Variants in CDC42BPA observed in about 807,000 individuals in gnomAD.
CDC42BPA encodes the protein CDC42 binding protein kinase alpha, also known as serine/threonine-protein kinase MRCK alpha.
Under a neutral mutation model 223.5 loss-of-function variants are expected in CDC42BPA, and 80 were observed. The observed-to-expected ratio is 0.36, with a 90% CI of 0.30 to 0.43. The LOEUF is 0.43. CDC42BPA is among the 20% of genes least tolerant of loss of function. CDC42BPA has a pLI of 1.00. For missense variants in CDC42BPA, 1,743 were observed against 2,099.9 expected (o/e 0.83, Z 3.32); for synonymous variants, 694 against 718.6 (o/e 0.97, Z 0.55).
chr1:227,010,096 A>G (rs1664877123), intron 34 of CDC42BPA, among the ~76,000 whole-genome samples: 1 of 152,182 alleles, frequency 6.6e-6, no homozygotes, highest in African/African-American at 2.4e-5. Context: ...GTAAGCATAC[A>G]CCACTTGATG....
At position 227,047,974 on chromosome 1, in the gene CDC42BPA, T is replaced by C. The variant is rs1169146739; in HGVS notation, c.3046A>G (p.Thr1016Ala). Residue 1016 changes from threonine to alanine, a missense_variant, in exon 23 of 37, where the codon ACC becomes GCC. Around this residue, in one of 6 missense-constraint regions of CDC42BPA, gnomAD observed 678 missense variants for 777.5 expected, o/e 0.87. Coordinates refer to ENST00000366766, the MANE Select transcript of CDC42BPA (RefSeq NM_001394014.1). ...CCAGGACATCCTTTTTTCCTTAAGG[T>C]TGGTGTGTGAACTGAAAGTGGAGTG... The part of the protein sequence containing the change: ...DSTPLSVHTP[T>A]LRKKGCPGST... The C allele has an allele frequency of 5.0e-6, 8 of 1,611,726 alleles. No individual in the cohort carries two copies. In the East Asian group the frequency reaches 8.9e-5, roughly 18 times the overall value.
At chr1:227,316,447 C>T (rs961660392) in intron 1 of CDC42BPA, among the ~76,000 whole-genome samples, 9 of 152,194 alleles carry the variant, frequency 5.9e-5, no homozygotes, top group African/African-American at 2.2e-4. Context: ...GATTTTTAAA[C>T]TATGTCATTT....
intron 1 of CDC42BPA, among the ~76,000 whole-genome samples, chr1:227,306,532 A>G (rs1339746623): frequency 6.6e-6 from 1 of 152,244 alleles, no homozygotes; most frequent in Non-Finnish European, 1.5e-5. Context: ...TGGGTAACAC[A>G]TTACGAACGC....
intron 3 of CDC42BPA, among the ~76,000 whole-genome samples, chr1:227,206,735 CTAAAAGA>C (rs1361996650): frequency 6.6e-6 from 1 of 152,050 alleles, no homozygotes; most frequent in South Asian, 2.1e-4. Context: ...GAATTTCTGT[CTAAAAGA>C]TAAAAGTTTT....
At chr1:227,036,421 CTTTTTTTTTTTTTT>C (rs56254464) in intron 24 of CDC42BPA, among the ~76,000 whole-genome samples, 2 of 71,158 alleles carry the variant, frequency 2.8e-5, no homozygotes, top group East Asian at 8.7e-4. Flanking sequence ...CTTCAATTCA[CTTTTTTTTTTTTTT>C]TTTTTTTTTT....
intron 5 of CDC42BPA, among the ~76,000 whole-genome samples, chr1:227,188,145 TAAC>T (rs1255104671): frequency 6.6e-6 from 1 of 152,144 alleles, no homozygotes; most frequent in Non-Finnish European, 1.5e-5. Flanking sequence ...GTCTAAAAGA[TAAC>T]AGTTTGATCA....
intron 3 of CDC42BPA, among the ~76,000 whole-genome samples, chr1:227,205,774 T>G (rs1031863578): frequency 1.3e-5 from 2 of 152,180 alleles, no homozygotes; most frequent in East Asian, 1.9e-4. Flanking sequence ...CTCAGCCCAG[T>G]GCAGTGGCTC....
chr1:227,241,183 C>T (rs1485280900), intron 2 of CDC42BPA, among the ~76,000 whole-genome samples: 1 of 152,010 alleles, frequency 6.6e-6, no homozygotes, highest in Non-Finnish European at 1.5e-5. Flanking sequence ...TACATACCCA[C>T]TAGAATGGCT....
Position 227,220,305 on chromosome 1 carries a change from TATATATACAC to T in CDC42BPA, c.271-7096_271-7087del, listed in dbSNP as rs1440198034. ...TGTTATATATATATATATATATATATATATATACACACACACACACACATACATATATGGA... is the reference window on the plus strand; with the variant it reads ...TGTTATATATATATATATATATATATACACACACACACATACATATATGGA... On this transcript the variant is annotated intron_variant, in intron 2 of 36. Coordinates refer to ENST00000366766, the MANE Select transcript of CDC42BPA (RefSeq NM_001394014.1). 3.7e-4 allele frequency among the ~76,000 whole-genome samples: 31 copies of T among 84,608 alleles called. 1 individual carries two copies. Among genetic ancestry groups the T allele is most frequent in the East Asian group, 2.3e-3 (10 of 4,340 alleles). The allele number at this position is 84,608 out of a possible 152,430, so 55.5% of individuals were successfully genotyped here.
chr1:227,312,718 A>T (rs756964396), intron 1 of CDC42BPA, among the ~76,000 whole-genome samples: 1 of 152,118 alleles, frequency 6.6e-6, no homozygotes, highest in Non-Finnish European at 1.5e-5. Flanking sequence ...CCCAAATCTC[A>T]TGTCAAACTG....
chr1:227,286,360 A>C (rs536603641), intron 1 of CDC42BPA, among the ~76,000 whole-genome samples: 1 of 152,226 alleles, frequency 6.6e-6, no homozygotes, highest in African/African-American at 2.4e-5. Flanking sequence ...AGCCTTTCAC[A>C]AAGTCCTAGA....
intron 1 of CDC42BPA, among the ~76,000 whole-genome samples, chr1:227,291,164 C>G (rs1023753254): frequency 6.6e-6 from 1 of 152,064 alleles, no homozygotes; most frequent in African/African-American, 2.4e-5. Context: ...AATAAGAGGG[C>G]TACAGGTAGC....
At chr1:227,208,864 TTAAAG>T (rs1235383365) in intron 3 of CDC42BPA, among the ~76,000 whole-genome samples, 1 of 152,076 alleles carries the variant, frequency 6.6e-6, no homozygotes, top group Non-Finnish European at 1.5e-5. Context: ...CATATGAACT[TTAAAG>T]TAGTTTTTTC....
intron 6 of CDC42BPA, among the ~76,000 whole-genome samples, chr1:227,157,955 C>CTTTT (rs59212512): frequency 1.7e-4 from 24 of 144,990 alleles, no homozygotes; most frequent in African/African-American, 3.3e-4. Context: ...ATTTTTATAA[C>CTTTT]TTTTTTTTTT....
chr1:227,143,386 A>G (rs2149648180), intron 8 of CDC42BPA, among the ~76,000 whole-genome samples: 1 of 152,322 alleles, frequency 6.6e-6, no homozygotes, highest in Middle Eastern at 3.4e-3. Context: ...GCAGAGAAAA[A>G]TTTGAGATGT....
chr1:227,061,277 T>C (rs971705682), intron 21 of CDC42BPA, among the ~76,000 whole-genome samples: 2 of 152,162 alleles, frequency 1.3e-5, no homozygotes, highest in African/African-American at 4.8e-5. Context: ...TTCCTCTAGC[T>C]ATCATCTATC....
At position 227,317,899 on chromosome 1, in the gene CDC42BPA, G is replaced by C. The variant is rs1694654650; in HGVS notation, c.-717C>G. 2.5e-6 allele frequency: 1 copy of C among 398,508 alleles called. No homozygotes were observed. Among genetic ancestry groups the C allele is most frequent in the African/African-American group, 2.1e-5 (1 of 48,636 alleles). 24.7% of individuals were successfully genotyped at this position (398,508 alleles called of 1,614,324 possible). A position where few individuals can be genotyped will look rare whatever the true frequency, so the allele number is the denominator to read the frequency against. ...TTTGCAGTCAGTCCTATTTTCAACG[G>C]ATTCCGGTGAAAACTCTTCATTTTC... On this transcript the variant is annotated 5_prime_UTR_variant, in exon 1 of 37. The change creates a new upstream start codon in the 5' untranslated region. Transcript: ENST00000366766.
chr1:227,009,738 C>T (rs1011476883), intron 34 of CDC42BPA, among the ~76,000 whole-genome samples: 1 of 152,030 alleles, frequency 6.6e-6, no homozygotes, highest in Non-Finnish European at 1.5e-5. Context: ...TTAACATATA[C>T]AAAATTCCTC....
chr1:227,091,549 A>G (rs1051283370), intron 16 of CDC42BPA, among the ~76,000 whole-genome samples: 1 of 152,194 alleles, frequency 6.6e-6, no homozygotes, highest in African/African-American at 2.4e-5. Context: ...CAGAACCATA[A>G]GCCAAAATAA....
Sources: gnomAD v4.1 joint callset for allele counts (sites outside exome capture counted in the v4.1 genomes callset) on GRCh38, gnomAD v4.1.1 for gene constraint, gnomAD v4.1.1 regional missense constraint, MANE v1.5 for transcripts, NCBI Gene and HGNC (gene_info 2026-07-23, HGNC 2026-07-21) for gene names.